Variants in CLEC20A observed in about 807,000 individuals in gnomAD.
CLEC20A encodes the protein putative C-type lectin domain family 20 member A.
At chr1:178,495,773 C>T (rs1056109322) in intron 1 of CLEC20A, 4 of 152,200 alleles carry the variant, frequency 2.6e-5, no homozygotes, top group African/African-American at 9.7e-5. Flanking sequence ...CCAACCCAAG[C>T]CCCAAGATCT....
chr1:178,491,482 G>T (rs896453387), intron 3 of CLEC20A, among the ~76,000 whole-genome samples: 1 of 152,076 alleles, frequency 6.6e-6, no homozygotes, highest in Non-Finnish European at 1.5e-5. Context: ...CCTAGTATGT[G>T]CCAGCCCTGA....
chr1:178,484,532 A>G (rs956825484), intron 5 of CLEC20A: 4 of 151,816 alleles, frequency 2.6e-5, no homozygotes, highest in African/African-American at 9.7e-5. Flanking sequence ...AAAAAAAAAA[A>G]TTAGCCAGGC....
chr1:178,485,063 T>C (rs968583982), intron 5 of CLEC20A, among the ~76,000 whole-genome samples: 2 of 152,226 alleles, frequency 1.3e-5, no homozygotes, highest in Admixed American at 6.5e-5. Flanking sequence ...TGTATTTTCA[T>C]CCCCTGAATA....
intron 7 of CLEC20A, 192 bp from the exon 8 acceptor site, chr1:178,479,807 C>CAA (rs947162418): frequency 5.4e-4 from 151 of 278,390 alleles, no homozygotes; most frequent in African/African-American, 3.0e-3. Context: ...ATTTTGTTAG[C>CAA]AAAAAAAAAA....
chr1:178,486,477 G>T, intron 5 of CLEC20A: 1 of 398,792 alleles, frequency 2.5e-6, no homozygotes, highest in Middle Eastern at 6.3e-4. Flanking sequence ...CTGGGCGGGT[G>T]TCTTGGCTCA....
chr1:178,490,738 A>G (rs1451692064), intron 3 of CLEC20A, among the ~76,000 whole-genome samples: 1 of 152,224 alleles, frequency 6.6e-6, no homozygotes, highest in Non-Finnish European at 1.5e-5. Flanking sequence ...ATACAATGGG[A>G]AAATAATAGT....
At chr1:178,494,108 C>A (rs779881712) in intron 2 of CLEC20A, among the ~76,000 whole-genome samples, 1 of 152,198 alleles carries the variant, frequency 6.6e-6, no homozygotes, top group Non-Finnish European at 1.5e-5. Flanking sequence ...GAAAACCAAC[C>A]CTGGGCCAGG....
exon 4 of CLEC20A, chr1:178,490,147 C>T (rs1370553919): frequency 7.5e-6 from 3 of 398,548 alleles, no homozygotes; most frequent in Non-Finnish European, 1.3e-5. Flanking sequence ...ATATAGATGC[C>T]AAGAGCTGTG....
intron 2 of CLEC20A, among the ~76,000 whole-genome samples, chr1:178,492,978 G>A (rs896576308): frequency 1.6e-4 from 25 of 152,246 alleles, no homozygotes; most frequent in African/African-American, 5.8e-4. Context: ...AGGATTCTAA[G>A]TGCTGCCAGG....
intron 1 of CLEC20A, chr1:178,496,692 C>T (rs564100026): frequency 1.4e-3 from 549 of 397,142 alleles, no homozygotes; most frequent in Non-Finnish European, 2.1e-3. Context: ...GCCTTCTGGA[C>T]GCTGGCTGAG....
Position 178,490,065 on chromosome 1 carries a change from C to A in CLEC20A, c.829+7G>T. 2.5e-6 allele frequency: 1 copy of A among 398,792 alleles called. No individual in the cohort carries two copies. Among genetic ancestry groups the A allele is most frequent in the South Asian group, 1.3e-4 (1 of 7,858 alleles). The allele number at this position is 398,792 out of a possible 1,614,324, so 24.7% of individuals were successfully genotyped here. A position where few individuals can be genotyped will look rare whatever the true frequency, so the allele number is the denominator to read the frequency against. On this transcript the variant is annotated splice_region_variant and intron_variant, in intron 4 of 7. Transcript: ENST00000623247. ...CCGAGGGCCAGCAAGAGCAGACTCT[C>A]ACTCACCATAGAAGCAGAAGAAGGG...
At chr1:178,491,971 C>T (rs534384435) in intron 3 of CLEC20A, among the ~76,000 whole-genome samples, 29 of 152,052 alleles carry the variant, frequency 1.9e-4, no homozygotes, top group Non-Finnish European at 3.4e-4. Context: ...AGTCACCCTC[C>T]CCTCTGGGCC....
At chr1:178,481,086 C>G (rs985797405) in intron 7 of CLEC20A, 3 of 152,164 alleles carry the variant, frequency 2.0e-5, no homozygotes, top group African/African-American at 7.2e-5. Flanking sequence ...TCTCCAGTCC[C>G]CCCTCCACTC....
At chr1:178,498,999 C>T (rs1215142420), upstream of CLEC20A, among the ~76,000 whole-genome samples, 1 of 152,208 alleles carries the variant, frequency 6.6e-6, no homozygotes, top group Non-Finnish European at 1.5e-5. Flanking sequence ...TCTCTGGGGA[C>T]AGAAGAGAAC....
intron 4 of CLEC20A, among the ~76,000 whole-genome samples, chr1:178,489,188 C>T (rs1373514758): frequency 6.6e-6 from 1 of 152,022 alleles, no homozygotes; most frequent in Non-Finnish European, 1.5e-5. Flanking sequence ...CATGGCAAAA[C>T]CCCGTCTCTA....
upstream of CLEC20A, among the ~76,000 whole-genome samples, chr1:178,497,423 T>A (rs945959466): frequency 2.0e-5 from 3 of 152,308 alleles, no homozygotes; most frequent in African/African-American, 7.2e-5. Flanking sequence ...ATCGTTTGAC[T>A]GTAGGTCATG....
chr1:178,479,574 A>G (rs1648891765), exon 8 of CLEC20A: 1 of 398,566 alleles, frequency 2.5e-6, no homozygotes, highest in East Asian at 3.6e-5. Context: ...ATTTCAGTCT[A>G]AATTGTTCGT....
At chr1:178,488,642 C>G in intron 4 of CLEC20A, 43 bp from the exon 5 acceptor site, 1 of 398,728 alleles carries the variant, frequency 2.5e-6, no homozygotes, top group Non-Finnish European at 4.4e-6. Flanking sequence ...GTCTGCAACA[C>G]CCAGCAGGTG....
exon 4 of CLEC20A, chr1:178,490,346 C>T (rs1649242688): frequency 2.5e-6 from 1 of 398,706 alleles, no homozygotes; most frequent in Non-Finnish European, 4.4e-6. Flanking sequence ...CGGCCAGATC[C>T]GTGTGGTGGC....
Sources: gnomAD v4.1 joint callset for allele counts (sites outside exome capture counted in the v4.1 genomes callset) on GRCh38, gnomAD v4.1.1 for gene constraint, MANE v1.5 for transcripts, NCBI Gene and HGNC (gene_info 2026-07-23, HGNC 2026-07-21) for gene names.